Variants in LRRC7 observed in about 807,000 individuals in gnomAD.
LRRC7 encodes leucine rich repeat containing 7, also known as leucine-rich repeat-containing protein 7.
A neutral mutation model predicts 175.7 loss-of-function variants in LRRC7; 23 were observed. That is an observed-to-expected ratio of 0.13 (90% CI 0.09 to 0.19). The LOEUF is 0.19. LRRC7 is among the 10% of genes least tolerant of loss of function. The pLI is 1.00. For missense variants in LRRC7, 1,354 were observed against 1,904.7 expected, an observed-to-expected ratio of 0.71 and a Z score of 5.38; for synonymous variants, 685 against 680.9, an observed-to-expected ratio of 1.01 and a Z score of -0.09.
At chr1:69,777,794 T>C (rs1408274124) in intron 3 of LRRC7, among the ~76,000 whole-genome samples, 3 of 152,226 alleles carry the variant, frequency 2.0e-5, no homozygotes, top group Non-Finnish European at 2.9e-5. Flanking sequence ...GACCTTCATC[T>C]CACAGCTGAC....
chr1:69,815,671 A>C (rs2101168637), intron 4 of LRRC7, among the ~76,000 whole-genome samples: 1 of 152,320 alleles, frequency 6.6e-6, no homozygotes, highest in South Asian at 2.1e-4. Flanking sequence ...AATGTACTTC[A>C]AGAAGCTCTT....
chr1:69,938,804 T>C (rs1648317775), intron 8 of LRRC7, among the ~76,000 whole-genome samples: 1 of 151,754 alleles, frequency 6.6e-6, no homozygotes, highest in African/African-American at 2.4e-5. Context: ...AATTACAGCA[T>C]AGGTTTGCCA....
chr1:70,058,419 T>A (rs529766742), intron 23 of LRRC7, among the ~76,000 whole-genome samples: 1 of 152,224 alleles, frequency 6.6e-6, no homozygotes, highest in Non-Finnish European at 1.5e-5. Context: ...GGCAGTATTA[T>A]ATGAATACTT....
chr1:69,727,483 T>C (rs1264517916), intron 2 of LRRC7, among the ~76,000 whole-genome samples: 1 of 152,228 alleles, frequency 6.6e-6, no homozygotes, highest in Non-Finnish European at 1.5e-5. Flanking sequence ...TGCAATTAAG[T>C]AGCTGTCTTT....
intron 1 of LRRC7, among the ~76,000 whole-genome samples, chr1:69,573,644 A>G (rs532101792): frequency 1.4e-4 from 22 of 152,306 alleles, no homozygotes; most frequent in Middle Eastern, 3.4e-3. Context: ...ATATATGCTA[A>G]TTAAATTATT....
chr1:69,969,299 C>T (rs543885586), intron 8 of LRRC7, among the ~76,000 whole-genome samples: 2 of 152,166 alleles, frequency 1.3e-5, no homozygotes, highest in South Asian at 2.1e-4. Context: ...ACATTAAATG[C>T]AAATGGTCTA....
chr1:69,602,881 A>G (rs1324416891), intron 1 of LRRC7, among the ~76,000 whole-genome samples: 2 of 152,196 alleles, frequency 1.3e-5, no homozygotes, highest in African/African-American at 4.8e-5. Context: ...CACAAATACC[A>G]TTATGTTACA....
At chr1:69,607,513 T>C (rs1647800437) in intron 1 of LRRC7, 1 of 152,140 alleles carries the variant, frequency 6.6e-6, no homozygotes, top group Admixed American at 6.6e-5. Context: ...TGTCACTTTT[T>C]CTGCCTTATG....
In LRRC7 at chr1:70,134,112, G is replaced by T. The variant is rs1666777410; in HGVS notation, c.*12225G>T. Among the ~76,000 whole-genome samples, 1 of 152,134 alleles carries T rather than the reference G, an allele frequency of 6.6e-6. No homozygotes were observed. The highest frequency in any genetic ancestry group is 1.5e-5 in the Non-Finnish European group (1 of 68,030). On this transcript the variant is annotated 3_prime_UTR_variant, in exon 27 of 27. Transcript: ENST00000651989. ...TTTTATTTATGTGTATGAGTAATCA[G>T]CATAATATGACAATCAGATTTTATT...
chr1:69,656,745 G>A (rs893847433), intron 1 of LRRC7, among the ~76,000 whole-genome samples: 7 of 151,886 alleles, frequency 4.6e-5, no homozygotes, highest in African/African-American at 1.4e-4. Flanking sequence ...TTCCCTCAAG[G>A]AGTTAATAGT....
intron 1 of LRRC7, among the ~76,000 whole-genome samples, chr1:69,609,348 A>C (rs1175708367): frequency 6.6e-6 from 1 of 152,132 alleles, no homozygotes; most frequent in Non-Finnish European, 1.5e-5. Flanking sequence ...ATATTATTCT[A>C]ATCTCAGCTG....
At chr1:70,042,193 C>A (rs1345490619) in intron 21 of LRRC7, among the ~76,000 whole-genome samples, 1 of 152,160 alleles carries the variant, frequency 6.6e-6, no homozygotes, top group Non-Finnish European at 1.5e-5. Flanking sequence ...AGTTACTGAG[C>A]TATTCAGGCT....
intron 7 of LRRC7, among the ~76,000 whole-genome samples, chr1:69,858,288 G>T (rs1683945154): frequency 6.6e-6 from 1 of 152,118 alleles, no homozygotes; most frequent in South Asian, 2.1e-4. Context: ...AAGAGCTTCT[G>T]CACAGCAAAA....
At chr1:69,685,098 G>A (rs1381750916) in intron 2 of LRRC7, among the ~76,000 whole-genome samples, 1 of 152,156 alleles carries the variant, frequency 6.6e-6, no homozygotes, top group Admixed American at 6.5e-5. Flanking sequence ...GATGACACCA[G>A]CAGAGTTTTA....
At chr1:69,819,930 C>G (rs936705459) in intron 4 of LRRC7, among the ~76,000 whole-genome samples, 8 of 152,014 alleles carry the variant, frequency 5.3e-5, no homozygotes, top group Non-Finnish European at 1.5e-5. Flanking sequence ...ACATAAGTCC[C>G]TAAAGTTTGT....
intron 7 of LRRC7, among the ~76,000 whole-genome samples, chr1:69,925,607 T>C (rs1647044104): frequency 1.3e-5 from 2 of 152,180 alleles, no homozygotes; most frequent in African/African-American, 2.4e-5. Context: ...TGTAGTATTC[T>C]CTGATGGTAG....
At chr1:69,715,568 T>C (rs1665244883) in intron 2 of LRRC7, among the ~76,000 whole-genome samples, 1 of 152,014 alleles carries the variant, frequency 6.6e-6, no homozygotes, top group Admixed American at 6.6e-5. Context: ...TATAATGTAC[T>C]GAATACATTA....
At chr1:69,655,512 T>C (rs227110) in intron 1 of LRRC7, among the ~76,000 whole-genome samples, 4 of 152,038 alleles carry the variant, frequency 2.6e-5, no homozygotes, top group African/African-American at 4.8e-5. Context: ...CTGTCTTCTT[T>C]TTCCTTTTAA....
intron 2 of LRRC7, among the ~76,000 whole-genome samples, chr1:69,727,578 AC>A (rs1667112103): frequency 6.6e-6 from 1 of 152,136 alleles, no homozygotes; most frequent in African/African-American, 2.4e-5. Flanking sequence ...TCCCATTAAT[AC>A]TTATGTGTAA....
Sources: gnomAD v4.1 joint callset for allele counts (sites outside exome capture counted in the v4.1 genomes callset) on GRCh38, gnomAD v4.1.1 for gene constraint, MANE v1.5 for transcripts, NCBI Gene and HGNC (gene_info 2026-07-23, HGNC 2026-07-21) for gene names.